NEDD9: variants seen among roughly 807,000 people sequenced by gnomAD.
NEDD9 encodes the protein enhancer of filamentation 1.
NEDD9 carries 26 observed loss-of-function variants against 76.6 expected under a neutral mutation model. The observed-to-expected ratio is 0.34, with a 90% CI of 0.25 to 0.47. The LOEUF (loss-of-function observed/expected upper bound fraction) is 0.47, where lower values mean the gene tolerates loss of function less well. NEDD9 is among the 20% of genes least tolerant of loss of function. NEDD9 has a pLI of 1.00. For missense variants in NEDD9, 937 were observed against 1,058.5 expected (o/e 0.89, Z 1.59); for synonymous variants, 392 against 414.2 (o/e 0.95, Z 0.65).
chr6:11,192,654 G>C, intron 3 of NEDD9: 1 of 431,570 alleles, frequency 2.3e-6, no homozygotes, highest in Non-Finnish European at 4.0e-6. Context: ...AATGATTTTG[G>C]CCAGGCACGG....
At chr6:11,243,818 T>C (rs1434983204) in intron 3 of NEDD9, among the ~76,000 whole-genome samples, 1 of 152,218 alleles carries the variant, frequency 6.6e-6, no homozygotes, top group African/African-American at 2.4e-5. Context: ...CCAACCTGTG[T>C]TCTGAGTTCC....
intron 2 of NEDD9, among the ~76,000 whole-genome samples, chr6:11,333,502 C>T (rs570848742): frequency 5.9e-5 from 9 of 152,366 alleles, no homozygotes; most frequent in South Asian, 2.1e-4. Context: ...TTCCTCCTCT[C>T]GCTATGGAAA....
chr6:11,292,642 A>C (rs1760802964), intron 3 of NEDD9, among the ~76,000 whole-genome samples: 1 of 152,242 alleles, frequency 6.6e-6, no homozygotes, highest in Non-Finnish European at 1.5e-5. Flanking sequence ...ATAACTCAAT[A>C]AAATGACATC....
At chr6:11,218,815 G>A (rs763606732) in intron 1 of NEDD9, among the ~76,000 whole-genome samples, 3 of 152,162 alleles carry the variant, frequency 2.0e-5, no homozygotes, top group Non-Finnish European at 4.4e-5. Flanking sequence ...GACTATGGGA[G>A]ACAGACAGCA....
chr6:11,305,005 C>A, intron 3 of NEDD9: 1 of 1,120,890 alleles, frequency 8.9e-7, no homozygotes, highest in Non-Finnish European at 1.2e-6. Context: ...TAATGCCTTC[C>A]AGGGAAATCC....
At position 11,190,539 on chromosome 6, in the gene NEDD9, G is replaced by A. The variant is rs1758110963; in HGVS notation, c.1330C>T (p.His444Tyr). Residue 444 changes from histidine (H) to tyrosine (Y), a missense_variant, in exon 5 of 7, where the codon CAC becomes TAC. Coordinates refer to ENST00000379446, the MANE Select transcript of NEDD9 (RefSeq NM_006403.4). This position sits in a 1 kb window ranked among gnomAD's most constrained non-coding sequence, Gnocchi z 5.8. ...DWRCYGYMER[H>Y]INEIRTAVDK... ...ACTGCTGTGCGTATTTCATTGATGT[G>A]TCTTTCCATATATCCGTAACACCGC... 1 of 1,614,086 alleles carries A rather than the reference G, an allele frequency of 6.2e-7. No homozygotes were observed. The highest frequency in any genetic ancestry group is 1.3e-5 in the African/African-American group (1 of 74,926).
chr6:11,382,242 C>G (rs988417950), exon 1 of NEDD9: 1 of 152,252 alleles, frequency 6.6e-6, no homozygotes, highest in Non-Finnish European at 1.5e-5. Context: ...GCTGCATGCT[C>G]ATGTTTCCCT....
upstream of NEDD9, among the ~76,000 whole-genome samples, chr6:11,236,004 C>A (rs1195147201): frequency 6.6e-6 from 1 of 152,164 alleles, no homozygotes; most frequent in Non-Finnish European, 1.5e-5. The surrounding 1 kb of genome is among the most constrained non-coding windows in gnomAD (Gnocchi z 5.5). Context: ...GGTCTTAATG[C>A]AGCTTAAATA....
At chr6:11,348,984 G>T (rs1396355413) in intron 1 of NEDD9, among the ~76,000 whole-genome samples, 2 of 152,188 alleles carry the variant, frequency 1.3e-5, no homozygotes, top group Non-Finnish European at 1.5e-5. Context: ...ATAGGGAACA[G>T]ACGACCTACA....
chr6:11,311,450 G>A (rs1761363346), intron 2 of NEDD9, among the ~76,000 whole-genome samples: 2 of 152,126 alleles, frequency 1.3e-5, no homozygotes, highest in Admixed American at 6.5e-5. Flanking sequence ...GCTGTGAAAC[G>A]ATCGATTTCT....
Position 11,215,605 on chromosome 6 carries a change from T to C in NEDD9, c.13-1878A>G, listed in dbSNP as rs1402697757. The stretch of plus-strand genomic sequence containing the variant: ...CAAGATTCTGGTCCTTTTACTAAAA[T>C]GACCTCCAGGAAATGACTCCACCAG... On this transcript the variant is annotated intron_variant, in intron 1 of 6. Coordinates refer to ENST00000379446, the MANE Select transcript of NEDD9 (RefSeq NM_006403.4). Among the ~76,000 whole-genome samples, 6 of 152,294 alleles carry C rather than the reference T, an allele frequency of 3.9e-5. No individual in the cohort carries two copies. The East Asian group carries it at 1.2e-3, about 29-fold the overall frequency.
intron 3 of NEDD9, among the ~76,000 whole-genome samples, chr6:11,282,003 T>C (rs1760547687): frequency 6.6e-6 from 1 of 152,184 alleles, no homozygotes; most frequent in Non-Finnish European, 1.5e-5. Flanking sequence ...CCTCCTAAAG[T>C]GCTGGGATTA....
At chr6:11,200,755 T>C (rs750729768) in intron 2 of NEDD9, 77 of 1,398,346 alleles carry the variant, frequency 5.5e-5, no homozygotes, top group Admixed American at 6.0e-5. Context: ...TTGATGATCA[T>C]CTGTAGAGTT....
At chr6:11,236,742 C>T (rs1295754033), upstream of NEDD9, among the ~76,000 whole-genome samples, 2 of 152,220 alleles carry the variant, frequency 1.3e-5, no homozygotes, top group African/African-American at 4.8e-5. The surrounding 1 kb of genome is among the most constrained non-coding windows in gnomAD (Gnocchi z 5.5). Context: ...TCACTGCTGT[C>T]ATCTATCTTC....
chr6:11,293,196 G>GTTTTT (rs35317754), intron 3 of NEDD9, among the ~76,000 whole-genome samples: 276 of 148,488 alleles, frequency 1.9e-3, no homozygotes, highest in African/African-American at 4.7e-3. Context: ...CTAAGTCTAT[G>GTTTTT]TTTTTTTTTT....
upstream of NEDD9, among the ~76,000 whole-genome samples, chr6:11,233,879 C>T (rs989097950): frequency 2.6e-5 from 4 of 152,094 alleles, no homozygotes; most frequent in African/African-American, 9.7e-5. Flanking sequence ...AAAAATCAGC[C>T]CTTATTTTTT....
chr6:11,356,485 G>T (rs772236814), intron 1 of NEDD9, among the ~76,000 whole-genome samples: 1 of 152,140 alleles, frequency 6.6e-6, no homozygotes, highest in Non-Finnish European at 1.5e-5. Flanking sequence ...ACACATCATT[G>T]TTTGAGACAC....
At chr6:11,321,826 C>T (rs1013870175) in intron 2 of NEDD9, among the ~76,000 whole-genome samples, 4 of 152,090 alleles carry the variant, frequency 2.6e-5, no homozygotes, top group East Asian at 3.9e-4. Flanking sequence ...AAGTCTCTAG[C>T]GAAGGCCAAG....
At chr6:11,324,541 C>T (rs188404406) in intron 2 of NEDD9, among the ~76,000 whole-genome samples, 4 of 152,332 alleles carry the variant, frequency 2.6e-5, no homozygotes, top group Admixed American at 6.5e-5. Context: ...TCATGCTCTG[C>T]GGCCACCGTA....
Sources: gnomAD v4.1 joint callset for allele counts (sites outside exome capture counted in the v4.1 genomes callset) on GRCh38, gnomAD v4.1.1 for gene constraint, Gnocchi (gnomAD v3.1) non-coding constraint, MANE v1.5 for transcripts, NCBI Gene and HGNC (gene_info 2026-07-23, HGNC 2026-07-21) for gene names.